The following KCNMA1 variants were observed in gnomAD, a reference collection of about 807,000 sequenced individuals.
KCNMA1 encodes Calcium-activated potassium channel subunit alpha-1.
A neutral mutation model predicts 140.0 loss-of-function variants in KCNMA1; 29 were observed. That is an observed-to-expected ratio of 0.21 (90% CI 0.15 to 0.28). KCNMA1 has a LOEUF of 0.28. KCNMA1 is among the 10% of genes least tolerant of loss of function. The probability of loss-of-function intolerance (pLI) is 1.00; values close to 1 mark genes in which losing one functional copy is unlikely to be tolerated. For missense variants in KCNMA1, 880 were observed against 1,602.2 expected (o/e 0.55, Z 7.70); for synonymous variants, 612 against 611.9 (o/e 1.00, Z 0.00).
At chr10:77,618,895 G>C (rs953058291) in intron 1 of KCNMA1, among the ~76,000 whole-genome samples, 4 of 152,182 alleles carry the variant, frequency 2.6e-5, no homozygotes, top group Non-Finnish European at 5.9e-5. Flanking sequence ...TAAGTGGAAG[G>C]GGAGAAGGAG....
intron 1 of KCNMA1, among the ~76,000 whole-genome samples, chr10:77,537,743 A>AGCC (rs893183511): frequency 6.6e-6 from 1 of 152,056 alleles, no homozygotes; most frequent in Non-Finnish European, 1.5e-5. Context: ...ACTCCTAAGG[A>AGCC]GCCATCAGAG....
chr10:77,459,252 C>T (rs576637454), intron 1 of KCNMA1, among the ~76,000 whole-genome samples: 45 of 152,360 alleles, frequency 3.0e-4, no homozygotes, highest in African/African-American at 1.0e-3. Flanking sequence ...CTTGTTGAAG[C>T]ACCTCTGGAT....
chr10:77,525,340 G>C (rs1006363260), intron 1 of KCNMA1, among the ~76,000 whole-genome samples: 6 of 152,160 alleles, frequency 3.9e-5, no homozygotes, highest in Admixed American at 3.3e-4. Flanking sequence ...GTTGGAACCC[G>C]TTCTCTTCCA....
chr10:77,546,174 G>A (rs879645260), intron 1 of KCNMA1, among the ~76,000 whole-genome samples: 17 of 152,190 alleles, frequency 1.1e-4, no homozygotes, highest in Admixed American at 1.1e-3. Flanking sequence ...AGGAAAGTCT[G>A]TGTGGGGCTG....
chr10:77,384,696 C>G (rs1238074474), intron 2 of KCNMA1, among the ~76,000 whole-genome samples: 1 of 152,206 alleles, frequency 6.6e-6, no homozygotes, highest in East Asian at 1.9e-4. Flanking sequence ...CATCTCACCA[C>G]CATAGTGAAT....
chr10:77,039,354 C>G, intron 15 of KCNMA1, 174 bp downstream of exon 15: 1 of 657,080 alleles, frequency 1.5e-6, no homozygotes, highest in East Asian at 2.7e-5. Flanking sequence ...ATTCCCCAGG[C>G]AGAGGCCATG....
chr10:77,102,511 G>T (rs974779368), intron 9 of KCNMA1, among the ~76,000 whole-genome samples: 1 of 152,224 alleles, frequency 6.6e-6, no homozygotes, highest in Non-Finnish European at 1.5e-5. Context: ...GCCATCTCCC[G>T]ATAAGTCAAG....
intron 18 of KCNMA1, among the ~76,000 whole-genome samples, chr10:77,002,122 G>A (rs538765633): frequency 2.0e-5 from 3 of 152,292 alleles, no homozygotes; most frequent in African/African-American, 7.2e-5. Context: ...GATGTGAAAC[G>A]ATTACGTGTT....
At chr10:77,518,537 G>C (rs1281735640) in intron 1 of KCNMA1, among the ~76,000 whole-genome samples, 1 of 152,190 alleles carries the variant, frequency 6.6e-6, no homozygotes, top group African/African-American at 2.4e-5. Context: ...AGAAATCTAG[G>C]AGCACGTGTT....
intron 3 of KCNMA1, among the ~76,000 whole-genome samples, chr10:77,194,508 A>G (rs1208316585): frequency 6.6e-6 from 1 of 152,140 alleles, no homozygotes; most frequent in Non-Finnish European, 1.5e-5. Context: ...TGGCAATGGC[A>G]CCTTGCTATG....
intron 1 of KCNMA1, among the ~76,000 whole-genome samples, chr10:77,479,308 TG>T (rs1288798478): frequency 3.9e-5 from 6 of 152,190 alleles, no homozygotes; most frequent in African/African-American, 1.4e-4. Context: ...ATTAGCTCTC[TG>T]GTGTGGAGGG....
At chr10:77,169,010 T>C (rs11002056) in intron 5 of KCNMA1, among the ~76,000 whole-genome samples, 23,249 of 152,238 alleles carry the variant, frequency 0.15, 1,987 homozygotes, top group African/African-American at 0.22. Context: ...CCAGAGTGGC[T>C]AACTCCTGAT....
intron 19 of KCNMA1, among the ~76,000 whole-genome samples, chr10:76,983,645 T>G (rs1475272902): frequency 2.0e-5 from 3 of 151,690 alleles, no homozygotes; most frequent in Non-Finnish European, 4.4e-5. Flanking sequence ...GAGAATCACT[T>G]GAACCTGGGA....
At chr10:77,267,138 G>A (rs1352173325) in intron 2 of KCNMA1, among the ~76,000 whole-genome samples, 2 of 152,176 alleles carry the variant, frequency 1.3e-5, no homozygotes. Flanking sequence ...TGCTCTCACA[G>A]AACCCAGTGC....
chr10:77,066,282 G>A (rs2095944104), intron 14 of KCNMA1, among the ~76,000 whole-genome samples: 1 of 152,184 alleles, frequency 6.6e-6, no homozygotes, highest in Admixed American at 6.5e-5. Context: ...TGCAGGTGGT[G>A]AGAAGTGCTC....
At chr10:77,161,408 C>T (rs977103490) in intron 5 of KCNMA1, among the ~76,000 whole-genome samples, 2 of 152,036 alleles carry the variant, frequency 1.3e-5, no homozygotes, top group Non-Finnish European at 2.9e-5. Context: ...CCACCACGCC[C>T]AACTACTTTT....
intron 1 of KCNMA1, among the ~76,000 whole-genome samples, chr10:77,559,739 G>C (rs2065741306): frequency 6.6e-6 from 1 of 152,134 alleles, no homozygotes; most frequent in East Asian, 1.9e-4. Flanking sequence ...CTAAAAATCT[G>C]GTTGATCTAA....
intron 3 of KCNMA1, among the ~76,000 whole-genome samples, chr10:77,203,715 C>T (rs555643947): frequency 6.6e-6 from 1 of 152,152 alleles, no homozygotes; most frequent in South Asian, 2.1e-4. Flanking sequence ...CTGGAGGAAA[C>T]TGATTATAAT....
rs117733356 is a variant in KCNMA1 at position 77,299,481 on chromosome 10, G to A, written c.541-48225C>T. On this transcript the variant is annotated intron_variant, in intron 2 of 27. Coordinates refer to ENST00000286628, the MANE Select transcript of KCNMA1 (RefSeq NM_001161352.2). ...CGTAACCCTCTGGCCCCCCTCCAAC[G>A]TGCCTCAAAATGTTATTTCACATTT... Among the ~76,000 whole-genome samples, 56 of 152,240 alleles carry A rather than the reference G, an allele frequency of 3.7e-4. No homozygotes were observed. In the East Asian group the frequency reaches 7.5e-3, roughly 20 times the overall value.
Sources: gnomAD v4.1 joint callset for allele counts (sites outside exome capture counted in the v4.1 genomes callset) on GRCh38, gnomAD v4.1.1 for gene constraint, MANE v1.5 for transcripts, NCBI Gene and HGNC (gene_info 2026-07-23, HGNC 2026-07-21) for gene names.